Variants in PIBF1 observed in about 807,000 individuals in gnomAD.
PIBF1 encodes progesterone-induced-blocking factor 1.
In PIBF1, 90 loss-of-function variants were observed where a neutral mutation model predicts 112.5. The observed-to-expected ratio is 0.80, with a 90% CI of 0.67 to 0.95. PIBF1 has a LOEUF of 0.95. PIBF1 is among the 40% of genes least tolerant of loss of function. The pLI, the probability that PIBF1 is intolerant of heterozygous loss-of-function variation, is 0.00. For synonymous variants in PIBF1, 301 were observed against 288.6 expected, an observed-to-expected ratio of 1.04 and a Z score of -0.44; for missense variants, 915 against 852.3, an observed-to-expected ratio of 1.07 and a Z score of -0.92.
intron 14 of PIBF1, among the ~76,000 whole-genome samples, chr13:72,951,415 G>A (rs942547436): frequency 2.6e-5 from 4 of 152,136 alleles, no homozygotes; most frequent in African/African-American, 9.7e-5. Context: ...TTTGTAAAAT[G>A]TTAAGTTCCA....
At chr13:72,963,392 G>A (rs761669590) in intron 14 of PIBF1, among the ~76,000 whole-genome samples, 1 of 152,104 alleles carries the variant, frequency 6.6e-6, no homozygotes, top group Admixed American at 6.6e-5. Flanking sequence ...TCAGGAATCC[G>A]AGACCAGCCT....
rs149072761 is a variant in PIBF1, at chr13:72,807,238, A to G, written c.672+9212A>G. On this transcript the variant is annotated intron_variant, in intron 5 of 17. Coordinates refer to ENST00000326291, the MANE Select transcript of PIBF1 (RefSeq NM_006346.4). ...AAACAAAAATAGAAGTATTCTTCAG[A>G]TACAACTGTTAAATCCAATCTTATT... 9.9e-5 allele frequency among the ~76,000 whole-genome samples: 15 copies of G among 152,210 alleles called. No homozygotes were observed. The East Asian group carries it at 2.9e-3, about 29-fold the overall frequency.
intron 11 of PIBF1, among the ~76,000 whole-genome samples, chr13:72,898,554 A>G (rs1291678161): frequency 4.6e-5 from 7 of 152,124 alleles, no homozygotes; most frequent in African/African-American, 1.4e-4. Flanking sequence ...TTGATAGATC[A>G]GGCCAGGCAC....
chr13:72,901,034 C>CA, intron 11 of PIBF1: 2 of 430,732 alleles, frequency 4.6e-6, no homozygotes, highest in Non-Finnish European at 9.2e-6. Flanking sequence ...AAACAAAAAG[C>CA]AAAAAACAAA....
Position 72,980,124 on chromosome 13 carries a change from A to G in PIBF1, c.2049+6449A>G, listed in dbSNP as rs916619574. On this transcript the variant is annotated intron_variant, in intron 16 of 17. Coordinates refer to ENST00000326291, the MANE Select transcript of PIBF1 (RefSeq NM_006346.4). ...AAATATCTAAGTGGATATATACACTAGAGAGTTGGAAATGTAGGTTCTTGT... is the reference window on the plus strand; with the variant it reads ...AAATATCTAAGTGGATATATACACTGGAGAGTTGGAAATGTAGGTTCTTGT... 3.9e-5 allele frequency among the ~76,000 whole-genome samples: 6 copies of G among 152,288 alleles called. No homozygotes were observed. The South Asian group carries it at 1.2e-3, about 32-fold the overall frequency.
intron 2 of PIBF1, among the ~76,000 whole-genome samples, chr13:72,784,523 T>C (rs1388879655): frequency 6.6e-6 from 1 of 151,990 alleles, no homozygotes; most frequent in African/African-American, 2.4e-5. Flanking sequence ...CTTTGGATGC[T>C]GAGGCCAGTG....
At chr13:73,013,465 AC>A (rs1217151029) in intron 17 of PIBF1, among the ~76,000 whole-genome samples, 4 of 151,858 alleles carry the variant, frequency 2.6e-5, no homozygotes, top group African/African-American at 9.7e-5. Flanking sequence ...AAAACAAAAA[AC>A]GAAAAACTAT....
intron 12 of PIBF1, among the ~76,000 whole-genome samples, chr13:72,913,029 G>A (rs2040948240): frequency 6.6e-6 from 1 of 150,934 alleles, no homozygotes; most frequent in Non-Finnish European, 1.5e-5. Flanking sequence ...AGTAATCTAT[G>A]ATGAAAAAAA....
In PIBF1 at chr13:72,972,061, G is replaced by T. The variant is rs929160582; in HGVS notation, c.1965-1530G>T. 2.7e-5 allele frequency among the ~76,000 whole-genome samples: 4 copies of T among 146,398 alleles called. No individual in the cohort carries two copies. The East Asian group carries it at 8.0e-4, about 29-fold the overall frequency. On this transcript the variant is annotated intron_variant, in intron 15 of 17. Coordinates refer to ENST00000326291, the MANE Select transcript of PIBF1 (RefSeq NM_006346.4). ...ATTTATTTATTTATTTTTTGAGAGA[G>T]CCTCACTCTGTCTCCCAGGCTGGAA...
intron 14 of PIBF1, among the ~76,000 whole-genome samples, chr13:72,944,436 C>T (rs1488274885): frequency 9.8e-6 from 1 of 101,828 alleles, no homozygotes; most frequent in African/African-American, 4.0e-5. Flanking sequence ...GGTGACAGAG[C>T]AAGACTGTCT....
At chr13:72,942,419 C>G (rs900153507) in intron 14 of PIBF1, among the ~76,000 whole-genome samples, 1 of 151,870 alleles carries the variant, frequency 6.6e-6, no homozygotes, top group Non-Finnish European at 1.5e-5. Flanking sequence ...TGATTTTTGT[C>G]CTATATTGCA....
chr13:72,891,595 C>T (rs986058498), intron 10 of PIBF1, among the ~76,000 whole-genome samples: 4 of 151,928 alleles, frequency 2.6e-5, no homozygotes, highest in Admixed American at 6.6e-5. Flanking sequence ...TTGGCACCCT[C>T]GTTACTGCTG....
intron 16 of PIBF1, among the ~76,000 whole-genome samples, chr13:72,996,279 A>C (rs1013149657): frequency 4.0e-5 from 6 of 151,844 alleles, no homozygotes; most frequent in African/African-American, 4.8e-5. Context: ...AAAAAAAAAA[A>C]AAAACTGCTC....
chr13:72,876,134 CTTTTTTTTT>C (rs386363749), intron 10 of PIBF1, among the ~76,000 whole-genome samples: 26 of 91,236 alleles, frequency 2.8e-4, no homozygotes, highest in East Asian at 1.1e-3. Flanking sequence ...TGTTCAGATT[CTTTTTTTTT>C]TTTTTTTTTT....
chr13:72,920,854 A>T (rs2041262600), intron 13 of PIBF1, among the ~76,000 whole-genome samples: 1 of 152,182 alleles, frequency 6.6e-6, no homozygotes. Flanking sequence ...ATGATAAAAC[A>T]ACTCAGTCAA....
chr13:72,794,248 A>C (rs2035079438), intron 3 of PIBF1, among the ~76,000 whole-genome samples: 1 of 152,204 alleles, frequency 6.6e-6, no homozygotes, highest in Non-Finnish European at 1.5e-5. Context: ...CATTGGAGAC[A>C]GTAAAAATAT....
intron 17 of PIBF1, among the ~76,000 whole-genome samples, chr13:73,002,175 CAATA>C (rs1297541962): frequency 8.5e-5 from 13 of 152,176 alleles, no homozygotes; most frequent in African/African-American, 2.6e-4. Context: ...AGCAGATACT[CAATA>C]AATATTTGCT....
chr13:72,934,193 T>C lies in PIBF1; in HGVS notation c.1833+2926T>C, dbSNP rs1332584944. 2.0e-5 allele frequency among the ~76,000 whole-genome samples: 3 copies of C among 152,204 alleles called. No individual in the cohort carries two copies. In the East Asian group the frequency reaches 5.8e-4, roughly 29 times the overall value. On this transcript the variant is annotated intron_variant, in intron 14 of 17. Transcript: ENST00000326291. ...ACTGAAAATAATTATATAAACTAGA[T>C]GAATGATTAGTATTAGATTGCTGTT...
intron 16 of PIBF1, among the ~76,000 whole-genome samples, chr13:72,989,311 AC>A (rs1250697701): frequency 6.6e-6 from 1 of 152,242 alleles, no homozygotes; most frequent in African/African-American, 2.4e-5. Flanking sequence ...ATTCATAGTA[AC>A]CAAAAAGTGG....
Sources: allele counts gnomAD v4.1 joint callset (sites outside exome capture counted in the v4.1 genomes callset), GRCh38; gene constraint gnomAD v4.1.1; transcripts MANE v1.5; gene names NCBI Gene and HGNC (gene_info 2026-07-23, HGNC 2026-07-21).